Variants in RBFOX1 observed in about 807,000 individuals in gnomAD.
RBFOX1 encodes RNA binding fox-1 homolog 1.
RBFOX1 carries 8 observed loss-of-function variants against 57.7 expected under a neutral mutation model. That is an observed-to-expected ratio of 0.14 (90% CI 0.08 to 0.25). The LOEUF (loss-of-function observed/expected upper bound fraction) is 0.25. Ranked by LOEUF, RBFOX1 falls within the 10% of genes least tolerant of loss-of-function variation. The pLI is 1.00. For synonymous variants in RBFOX1, 326 were observed against 222.4 expected (o/e 1.47, Z -4.15); for missense variants, 611 against 548.5 (o/e 1.11, Z -1.14).
chr16:5,369,890 C>T (rs929164025), intron 1 of RBFOX1, among the ~76,000 whole-genome samples: 2 of 152,084 alleles, frequency 1.3e-5, no homozygotes, highest in Admixed American at 6.5e-5. Context: ...ACCACAATTA[C>T]TTTTGCACCA....
At chr16:6,450,826 T>TACAC (rs1489848553) in intron 2 of RBFOX1, among the ~76,000 whole-genome samples, 14 of 32,914 alleles carry the variant, frequency 4.3e-4, no homozygotes, top group African/African-American at 1.2e-3. Context: ...TACATATATA[T>TACAC]ATATATATAT....
At chr16:6,279,098 C>G (rs2152693568) in intron 1 of RBFOX1, among the ~76,000 whole-genome samples, 1 of 152,150 alleles carries the variant, frequency 6.6e-6, no homozygotes, top group Admixed American at 6.5e-5. Context: ...TACCACCTCT[C>G]ACTTATTTCA....
Position 6,630,752 on chromosome 16 carries a change from A to T in RBFOX1, c.-63-23851A>T, listed in dbSNP as rs548316690. 1.3e-4 allele frequency among the ~76,000 whole-genome samples: 20 copies of T among 152,298 alleles called. No individual in the cohort carries two copies. The East Asian group carries it at 1.4e-3, about 10-fold the overall frequency. The stretch of plus-strand genomic sequence containing the variant: ...TTAAGCTGGAATTTATGATGAAAAT[A>T]CCATGAGAAGGAGGTTGAAATTGTA... On this transcript the variant is annotated intron_variant, in intron 2 of 15. Transcript: ENST00000550418.
chr16:6,991,124 A>G (rs1370142116), intron 3 of RBFOX1, among the ~76,000 whole-genome samples: 4 of 137,758 alleles, frequency 2.9e-5, no homozygotes, highest in Admixed American at 2.2e-4. Context: ...CAACGTAATA[A>G]AATTGTCTCT....
intron 3 of RBFOX1, among the ~76,000 whole-genome samples, chr16:5,769,828 G>A: frequency 6.6e-6 from 1 of 152,184 alleles, no homozygotes; most frequent in East Asian, 1.9e-4. Flanking sequence ...CCTCCCAGAC[G>A]ACAAGATAGT....
At chr16:5,875,880 G>C (rs1473716765) in intron 4 of RBFOX1, among the ~76,000 whole-genome samples, 2 of 143,146 alleles carry the variant, frequency 1.4e-5, no homozygotes, top group Non-Finnish European at 3.0e-5. Flanking sequence ...GTCTTGCTTT[G>C]TCTCCCAGGC....
At chr16:7,448,636 A>G (rs989795806) in intron 4 of RBFOX1, among the ~76,000 whole-genome samples, 2 of 152,192 alleles carry the variant, frequency 1.3e-5, no homozygotes, top group Non-Finnish European at 2.9e-5. Context: ...CTGGGGGCAC[A>G]GCATAACTGT....
chr16:6,692,054 A>G (rs1004837417), intron 3 of RBFOX1, among the ~76,000 whole-genome samples: 2 of 152,210 alleles, frequency 1.3e-5, no homozygotes, highest in African/African-American at 4.8e-5. Context: ...GTCCAGTAAA[A>G]GACAAGTCAG....
intron 1 of RBFOX1, among the ~76,000 whole-genome samples, chr16:5,429,105 A>G (rs1301078944): frequency 1.3e-5 from 2 of 152,122 alleles, no homozygotes; most frequent in Non-Finnish European, 2.9e-5. Flanking sequence ...GCACTGGGTC[A>G]GTTTCCCTCC....
chr16:5,483,969 C>G (rs56200002), intron 2 of RBFOX1, among the ~76,000 whole-genome samples: 53,887 of 151,892 alleles, frequency 0.35, 9,770 homozygotes, highest in Middle Eastern at 0.49. Flanking sequence ...CCAGGAGTTT[C>G]AGACTAGCCT....
At chr16:7,030,085 A>T (rs2042400105) in intron 3 of RBFOX1, among the ~76,000 whole-genome samples, 1 of 152,200 alleles carries the variant, frequency 6.6e-6, no homozygotes, top group African/African-American at 2.4e-5. Context: ...ACATTATTAC[A>T]AATTGGTGCC....
At chr16:6,459,059 A>T (rs1265610373) in intron 2 of RBFOX1, among the ~76,000 whole-genome samples, 2 of 152,312 alleles carry the variant, frequency 1.3e-5, no homozygotes, top group Middle Eastern at 3.4e-3. Flanking sequence ...TTTTCAGCCA[A>T]GCCTGGTGGC....
chr16:6,296,126 C>G (rs1279966804), intron 1 of RBFOX1, among the ~76,000 whole-genome samples: 1 of 152,166 alleles, frequency 6.6e-6, no homozygotes, highest in Non-Finnish European at 1.5e-5. Flanking sequence ...TTGCTACATG[C>G]CTTGGGCACG....
chr16:7,026,772 A>C (rs1355880332), intron 3 of RBFOX1, among the ~76,000 whole-genome samples: 1 of 152,210 alleles, frequency 6.6e-6, no homozygotes, highest in African/African-American at 2.4e-5. Context: ...GTGCTGCCAG[A>C]GGGCACTATG....
intron 11 of RBFOX1, among the ~76,000 whole-genome samples, chr16:7,642,396 A>G (rs571353262): frequency 6.6e-6 from 1 of 152,296 alleles, no homozygotes; most frequent in South Asian, 2.1e-4. Context: ...CCCCACAGCT[A>G]TGGCTGGGAC....
intron 3 of RBFOX1, among the ~76,000 whole-genome samples, chr16:6,886,800 A>C (rs185599134): frequency 6.6e-5 from 10 of 152,176 alleles, no homozygotes; most frequent in African/African-American, 2.4e-4. Flanking sequence ...AAAACCAGAA[A>C]AAAAAAGAAT....
chr16:6,387,471 G>GAAAA (rs36100228), intron 2 of RBFOX1, among the ~76,000 whole-genome samples: 28 of 130,014 alleles, frequency 2.2e-4, no homozygotes, highest in African/African-American at 7.3e-4. Context: ...ACTTGATTAG[G>GAAAA]AAAAAAAAAA....
intron 3 of RBFOX1, among the ~76,000 whole-genome samples, chr16:6,825,710 G>C (rs1750901102): frequency 6.6e-6 from 1 of 152,144 alleles, no homozygotes; most frequent in African/African-American, 2.4e-5. Context: ...AGCAGATGAA[G>C]AGGAAAGGGA....
chr16:5,499,354 T>A (rs1480039490), intron 2 of RBFOX1, among the ~76,000 whole-genome samples: 1 of 152,116 alleles, frequency 6.6e-6, no homozygotes, highest in Non-Finnish European at 1.5e-5. Flanking sequence ...TTGGTAGAAC[T>A]CTCTCTGTCC....
Sources: allele counts gnomAD v4.1 joint callset (sites outside exome capture counted in the v4.1 genomes callset), GRCh38; gene constraint gnomAD v4.1.1; transcripts MANE v1.5; gene names NCBI Gene and HGNC (gene_info 2026-07-23, HGNC 2026-07-21).